Variants in PLPP2 observed in about 807,000 individuals in gnomAD.
The protein encoded by PLPP2 is PAP2-gamma.
PLPP2 carries 29 observed loss-of-function variants against 35.2 expected under a neutral mutation model. That is an observed-to-expected ratio of 0.82 (90% CI 0.61 to 1.12). The LOEUF (loss-of-function observed/expected upper bound fraction) is 1.12. Ranked by LOEUF, PLPP2 falls within the 50% of genes most tolerant of loss-of-function variation. The pLI is 0.00. For missense variants in PLPP2, 353 were observed against 375.2 expected (o/e 0.94, Z 0.49); for synonymous variants, 162 against 167.0 (o/e 0.97, Z 0.23).
chr19:281,300 C>G lies in PLPP2; in HGVS notation c.*88G>C. Reference sequence around the variant, plus strand: ...CAGGGTTCCTGGAGCCCGTCCAGAGCCCTCAGTGCCTAACCAGGGCTGGAG... The same window carrying G: ...CAGGGTTCCTGGAGCCCGTCCAGAGGCCTCAGTGCCTAACCAGGGCTGGAG... On this transcript the variant is annotated 3_prime_UTR_variant, in exon 6 of 6. Coordinates refer to ENST00000434325, the MANE Select transcript of PLPP2 (RefSeq NM_003712.4). The G allele has an allele frequency of 8.1e-7, 1 of 1,230,662 alleles. No homozygotes were observed. The highest frequency in any genetic ancestry group is 1.5e-5 in the African/African-American group (1 of 65,184). 76.2% of individuals were successfully genotyped at this position (1,230,662 alleles called of 1,614,324 possible).
chr19:290,983 C>T, intron 1 of PLPP2: 1 of 1,247,756 alleles, frequency 8.0e-7, no homozygotes, highest in Admixed American at 4.2e-5. Context: ...GATGGAGGCG[C>T]GCGCGCGGCC....
intron 4 of PLPP2, 59 bp from the exon 5 acceptor site, chr19:282,369 GCA>G: frequency 6.6e-7 from 1 of 1,511,544 alleles, no homozygotes; most frequent in Non-Finnish European, 9.1e-7. Context: ...CCCTCCCCCT[GCA>G]CAGACGTGTT....
At chr19:286,228 T>C (rs1409490800) in intron 3 of PLPP2, 1 of 151,868 alleles carries the variant, frequency 6.6e-6, no homozygotes, top group Non-Finnish European at 1.5e-5. Context: ...TCCCAGCACT[T>C]TGGGAGGCTG....
At chr19:285,597 TC>T (rs1970259496) in intron 3 of PLPP2, 1 of 101,800 alleles carries the variant, frequency 9.8e-6, no homozygotes, top group Non-Finnish European at 2.0e-5. Flanking sequence ...AGACTCTTTC[TC>T]AAAAAAAAAA....
In PLPP2 at chr19:281,362, G is replaced by A; in HGVS notation, c.*26C>T. On this transcript the variant is annotated 3_prime_UTR_variant, in exon 6 of 6. Transcript: ENST00000434325. ...GTGGGCCTCAGCTGGACTCACAGCA[G>A]CTCCCTGCCTGGGCGGGGTCCGGCC... 6.5e-6 allele frequency: 9 copies of A among 1,391,252 alleles called. No homozygotes were observed. Among genetic ancestry groups the A allele is most frequent in the Non-Finnish European group, 8.5e-6 (9 of 1,064,920 alleles). The allele number at this position is 1,391,252 out of a possible 1,614,324, so 86.2% of individuals were successfully genotyped here.
chr19:281,902 A>C (rs1341132377), intron 5 of PLPP2: 1 of 455,446 alleles, frequency 2.2e-6, no homozygotes, highest in Non-Finnish European at 3.8e-6. Flanking sequence ...GGGGTAATGA[A>C]GAGGGTCCAG....
intron 1 of PLPP2, chr19:290,926 C>G (rs1353693812): frequency 2.4e-6 from 3 of 1,227,398 alleles, no homozygotes; most frequent in East Asian, 6.4e-5. Context: ...GCGGCCGCCC[C>G]CACCTCCCGG....
At position 282,151 on chromosome 19, in the gene PLPP2, G is replaced by A. The variant is rs760082968; in HGVS notation, c.700C>T (p.Leu234=). 287 of 1,613,490 alleles carry A rather than the reference G, an allele frequency of 1.8e-4. No homozygotes were observed. The highest frequency in any genetic ancestry group is 2.4e-4 in the Non-Finnish European group (278 of 1,179,802). Residue 234 remains leucine (L), a synonymous_variant, in exon 5 of 6, where the codon CTG becomes TTG. Transcript: ENST00000434325. ...DVLVGLLQGA[L]VAALTVCYIS... ...AAGCTCACAGTGAGGGCAGCCACCA[G>A]TGCCCCCTGCAGGAGGCCAACAAGG...
chr19:290,879 CAGGGGCGGAGGCGCGGACGTCCTGCCG>C (rs1970376336), intron 1 of PLPP2: 1 of 1,154,612 alleles, frequency 8.7e-7, no homozygotes, highest in African/African-American at 1.6e-5. Flanking sequence ...GCGCCCACCC[CAGGGGCGGAGGCGCGGACGTCCTGCCG>C]GGGTAACCCG....
At chr19:285,717 C>T (rs1293828694) in intron 3 of PLPP2, 3 of 151,776 alleles carry the variant, frequency 2.0e-5, no homozygotes, top group Non-Finnish European at 4.4e-5. Flanking sequence ...AATCCCAGCA[C>T]TTTGGGAGGC....
At chr19:285,526 G>C (rs1165779580) in intron 3 of PLPP2, 2 of 150,782 alleles carry the variant, frequency 1.3e-5, no homozygotes, top group African/African-American at 4.9e-5. Flanking sequence ...TTAAACCGAG[G>C]AGGCAGAGGC....
Position 287,143 on chromosome 19 carries a change from C to A in PLPP2, c.482+331G>T. Reference sequence around the variant, plus strand: ...ATAGCTATGTTAATATCAGACAAAACAGACATCAAGACAAAAATTGTTGAG... The same window carrying A: ...ATAGCTATGTTAATATCAGACAAAAAAGACATCAAGACAAAAATTGTTGAG... On this transcript the variant is annotated intron_variant, in intron 3 of 5. Transcript: ENST00000434325. The surrounding 1 kb of genome is among the most constrained non-coding windows in gnomAD (Gnocchi z 4.3). 7.8e-6 allele frequency: 2 copies of A among 256,706 alleles called. No homozygotes were observed. Among genetic ancestry groups the A allele is most frequent in the East Asian group, 8.9e-5 (1 of 11,224 alleles). 15.9% of individuals were successfully genotyped at this position (256,706 alleles called of 1,614,324 possible).
In PLPP2 at chr19:281,238, A is replaced by G; in HGVS notation, c.*150T>C. ...CCAGACTCCTGGTCCAGTGCAGGGCAGGGGGCAGCGGAGCCCGCTCACTGC... is the reference window on the plus strand; with the variant it reads ...CCAGACTCCTGGTCCAGTGCAGGGCGGGGGGCAGCGGAGCCCGCTCACTGC... On this transcript the variant is annotated 3_prime_UTR_variant, in exon 6 of 6. Coordinates refer to ENST00000434325, the MANE Select transcript of PLPP2 (RefSeq NM_003712.4). The G allele has an allele frequency of 1.4e-6, 1 of 704,530 alleles. No homozygotes were observed. Among genetic ancestry groups the G allele is most frequent in the Non-Finnish European group, 2.0e-6 (1 of 502,470 alleles). 43.6% of individuals were successfully genotyped at this position (704,530 alleles called of 1,614,324 possible).
Position 287,766 on chromosome 19 carries a change from G to A in PLPP2, c.205-15C>T, listed in dbSNP as rs775438511. 2.8e-5 allele frequency: 45 copies of A among 1,612,230 alleles called. No homozygotes were observed. Among genetic ancestry groups the A allele is most frequent in the Admixed American group, 2.0e-4 (12 of 59,998 alleles). The stretch of plus-strand genomic sequence containing the variant: ...CCGGCCGAGACCTGCAAGAGCAGCC[G>A]CAGGAACCAGTGGGGGTCTCGGTCG... On this transcript the variant is annotated splice_polypyrimidine_tract_variant and intron_variant, in intron 2 of 5. Coordinates refer to ENST00000434325, the MANE Select transcript of PLPP2 (RefSeq NM_003712.4). The surrounding 1 kb of genome is among the most constrained non-coding windows in gnomAD (Gnocchi z 4.3).
rs551127878 is a variant in PLPP2, at chr19:289,918, C to T, written c.52+1367G>A. 6.2e-4 allele frequency among the ~76,000 whole-genome samples: 94 copies of T among 152,168 alleles called. 1 individual carries two copies. Among genetic ancestry groups the T allele is most frequent in the African/African-American group, 2.1e-3 (89 of 41,518 alleles). The stretch of plus-strand genomic sequence containing the variant: ...AGTGCAGCCCGACCACAGCTCTTAT[C>T]GGGCGGAGGCTCACACAGGTTAGCC... On this transcript the variant is annotated intron_variant, in intron 1 of 5. Transcript: ENST00000434325.
intron 3 of PLPP2, chr19:284,644 T>G (rs1271039749): frequency 6.6e-6 from 1 of 152,104 alleles, no homozygotes; most frequent in Non-Finnish European, 1.5e-5. Flanking sequence ...ATAAATACTA[T>G]GTTCAAAGAG....
intron 5 of PLPP2, 132 bp from the exon 6 acceptor site, chr19:281,669 T>G: frequency 1.2e-6 from 1 of 821,526 alleles, no homozygotes; most frequent in Non-Finnish European, 1.8e-6. Context: ...AGAGGAGTAG[T>G]GCCTGGGGTG....
intron 1 of PLPP2, among the ~76,000 whole-genome samples, chr19:288,933 G>T (rs1970325981): frequency 6.6e-6 from 1 of 152,216 alleles, no homozygotes; most frequent in Non-Finnish European, 1.5e-5. Context: ...GGCCAGAGAA[G>T]TCAGGAAGAA....
intron 1 of PLPP2, among the ~76,000 whole-genome samples, chr19:290,081 C>T (rs188998145): frequency 3.9e-5 from 6 of 152,292 alleles, no homozygotes; most frequent in African/African-American, 1.4e-4. Flanking sequence ...CATTTAGCCC[C>T]CGGGAGCCCT....
Sources: gnomAD v4.1 joint callset for allele counts (sites outside exome capture counted in the v4.1 genomes callset) on GRCh38, gnomAD v4.1.1 for gene constraint, Gnocchi (gnomAD v3.1) non-coding constraint, MANE v1.5 for transcripts, NCBI Gene and HGNC (gene_info 2026-07-23, HGNC 2026-07-21) for gene names.